TRPV2: variants seen among roughly 807,000 people sequenced by gnomAD.
The protein encoded by TRPV2 is transient receptor potential cation channel subfamily V member 2.
A neutral mutation model predicts 91.0 loss-of-function variants in TRPV2; 58 were observed. The ratio of observed to expected loss-of-function variants is 0.64; its 90% CI spans 0.52 to 0.79. The LOEUF is 0.79. Ranked by LOEUF, TRPV2 falls within the 30% of genes least tolerant of loss-of-function variation. TRPV2 has a pLI of 0.00. For synonymous variants in TRPV2, 417 were observed against 414.8 expected (o/e 1.01, Z -0.06); for missense variants, 807 against 969.6 (o/e 0.83, Z 2.23).
Position 16,431,991 on chromosome 17 carries a change from T to A in TRPV2, c.1680T>A (p.Ala560=). ...CCCTGGTGAGCCTGAGCCAGGAGGC[T>A]TGGCGCCCCGAAGCTCCTACAGGCC... ...AVALVSLSQE[A]WRPEAPTGPN... is the part of the protein sequence containing the mutation. Residue 560 remains alanine, a synonymous_variant, in exon 12 of 15, where the codon GCT becomes GCA. Coordinates refer to ENST00000338560, the MANE Select transcript of TRPV2 (RefSeq NM_016113.5). 6.2e-7 allele frequency: 1 copy of A among 1,605,892 alleles called. No individual in the cohort carries two copies. Among genetic ancestry groups the A allele is most frequent in the Non-Finnish European group, 8.5e-7 (1 of 1,174,352 alleles).
intron 13 of TRPV2, chr17:16,434,577 GC>G (rs1333562093): frequency 7.2e-5 from 22 of 304,884 alleles, no homozygotes; most frequent in Admixed American, 6.9e-4. Flanking sequence ...GCCATGATAG[GC>G]CCCAGAACCC....
chr17:16,420,064 G>A (rs1396022509), intron 2 of TRPV2, 51 bp from the exon 3 acceptor site: 1 of 1,588,460 alleles, frequency 6.3e-7, no homozygotes, highest in Admixed American at 1.7e-5. Flanking sequence ...GGGCTTTTGG[G>A]GGGGCCTGTG....
At chr17:16,429,005 CG>C (rs1568916665) in intron 10 of TRPV2, 23 bp downstream of exon 10, 11 of 1,613,032 alleles carry the variant, frequency 6.8e-6, no homozygotes, top group Non-Finnish European at 8.5e-6. Flanking sequence ...GGTGGCCCAC[CG>C]GGACTCTTTT....
rs780596004 is a variant in TRPV2, at chr17:16,436,833, G to A, written c.2239G>A (p.Glu747Lys). The A allele has an allele frequency of 1.6e-4, 264 of 1,614,018 alleles. 3 individuals are homozygous for A. In the South Asian group the frequency reaches 2.8e-3, roughly 17 times the overall value. The change falls in exon 15 of 15, where the codon GAG becomes AAG. Residue 747 changes from glutamate (E) to lysine (K), a missense_variant. Glu to Lys is a moderately conservative substitution (Grantham distance 56, BLOSUM62 1). Transcript: ENST00000338560. ...PVLASPPKED[E>K]DGASEENYVP... ...CCTGGCTTCCCCTCCCAAGGAGGAT[G>A]AGGATGGTGCCTCTGAGGAAAACTA... is the stretch of plus-strand genomic sequence containing the variant.
At chr17:16,416,812 G>T (rs553466346) in intron 1 of TRPV2, 1 of 152,200 alleles carries the variant, frequency 6.6e-6, no homozygotes, top group South Asian at 2.1e-4. Context: ...GCAAAATGAA[G>T]GGTTTGATAG....
intron 2 of TRPV2, among the ~76,000 whole-genome samples, chr17:16,418,301 G>A (rs1032350966): frequency 2.6e-5 from 4 of 152,190 alleles, no homozygotes; most frequent in Middle Eastern, 3.2e-3. Context: ...CTCAGGGGAC[G>A]TGAACTGTGG....
chr17:16,431,256 CATATATATATATAT>C (rs60066961), intron 10 of TRPV2, among the ~76,000 whole-genome samples: 812 of 67,808 alleles, frequency 0.012, 37 homozygotes, highest in African/African-American at 0.053. Context: ...TGATCTGAGA[CATATATATATATAT>C]ATATATATAT....
intron 10 of TRPV2, among the ~76,000 whole-genome samples, chr17:16,430,026 G>A (rs1048684633): frequency 6.6e-5 from 10 of 151,920 alleles, no homozygotes; most frequent in African/African-American, 1.9e-4. Context: ...CACCATGCCC[G>A]GCTAATTTTT....
Position 16,422,605 on chromosome 17 carries a change from C to T in TRPV2, c.341C>T (p.Ser114Phe), listed in dbSNP as rs1202002233. 1 of 1,613,128 alleles carries T rather than the reference C, an allele frequency of 6.2e-7. No homozygotes were observed. The highest frequency in any genetic ancestry group is 1.1e-5 in the South Asian group (1 of 91,032). Residue 114 changes from serine to phenylalanine, a missense_variant, in exon 4 of 15, where the codon TCC becomes TTC. Ser to Phe is a radical substitution (Grantham distance 155). Coordinates refer to ENST00000338560, the MANE Select transcript of TRPV2 (RefSeq NM_016113.5). Reference sequence around the variant, plus strand: ...CCCTCCCTTCTTCCCACAGAGGGCTCCACAGGTAAGACGTGCCTGATGAAG... The same window carrying T: ...CCCTCCCTTCTTCCCACAGAGGGCTTCACAGGTAAGACGTGCCTGATGAAG... Reference protein sequence around the residue: ...YLTDSEYTEGSTGKTCLMKAV... With the variant: ...YLTDSEYTEGFTGKTCLMKAV...
At chr17:16,428,648 A>G (rs2142996165) in intron 9 of TRPV2, 169 bp from the exon 10 acceptor site, 1 of 756,904 alleles carries the variant, frequency 1.3e-6, no homozygotes, top group East Asian at 2.6e-5. Flanking sequence ...ACACTCTATG[A>G]GTCAGGCATC....
At chr17:16,423,331 G>A in intron 4 of TRPV2, 138 bp from the exon 5 acceptor site, 1 of 968,646 alleles carries the variant, frequency 1.0e-6, no homozygotes, top group Non-Finnish European at 1.5e-6. Flanking sequence ...CAGGTTGGCT[G>A]GCCCCTGTTC....
intron 2 of TRPV2, chr17:16,419,247 T>TGA: frequency 2.2e-6 from 1 of 460,252 alleles, no homozygotes; most frequent in South Asian, 1.6e-5. Flanking sequence ...CAGGAGGGAA[T>TGA]GACTCATGCC....
At chr17:16,418,048 T>C (rs1439089408) in intron 2 of TRPV2, among the ~76,000 whole-genome samples, 180 bp downstream of exon 2, 1 of 152,218 alleles carries the variant, frequency 6.6e-6, no homozygotes, top group East Asian at 1.9e-4. Context: ...CCATCTGGCA[T>C]TGCTCTTTCC....
chr17:16,419,311 C>T (rs1347268647), intron 2 of TRPV2: 5 of 470,894 alleles, frequency 1.1e-5, no homozygotes, highest in Non-Finnish European at 2.2e-5. Context: ...GACAAGCTAC[C>T]AGATCCCTTC....
chr17:16,427,651 C>T, intron 8 of TRPV2, 104 bp downstream of exon 8: 1 of 1,089,738 alleles, frequency 9.2e-7, no homozygotes, highest in Non-Finnish European at 1.3e-6. Flanking sequence ...TACCCAGTCC[C>T]ACCCAGAGCA....
rs919625921 is a variant in TRPV2, at chr17:16,428,813, A to G, written c.1422-4A>G. The G allele has an allele frequency of 4.3e-6, 7 of 1,612,988 alleles. No individual in the cohort carries two copies. The highest frequency in any genetic ancestry group is 5.9e-6 in the Non-Finnish European group (7 of 1,179,952). ...AAGCCCACCTGGATTCTGCTCCCAC[A>G]CAGCCTGTTCCAGGCCCTGCTCACA... On this transcript the variant is annotated splice_polypyrimidine_tract_variant and splice_region_variant and intron_variant, in intron 9 of 14. Coordinates refer to ENST00000338560, the MANE Select transcript of TRPV2 (RefSeq NM_016113.5).
chr17:16,426,668 G>A lies in TRPV2; in HGVS notation c.1096-54G>A. On this transcript the variant is annotated intron_variant, in intron 6 of 14. Coordinates refer to ENST00000338560, the MANE Select transcript of TRPV2 (RefSeq NM_016113.5). The surrounding 1 kb of genome is among the most constrained non-coding windows in gnomAD (Gnocchi z 6.0). ...TTGCTTTGATCTTGACATGGAGTGG[G>A]CAGCCTATTTGCACTTGTTGAGTGT... 1 of 1,570,154 alleles carries A rather than the reference G, an allele frequency of 6.4e-7. No individual in the cohort carries two copies. The highest frequency in any genetic ancestry group is 8.6e-7 in the Non-Finnish European group (1 of 1,157,034).
rs2093416739 is a variant in TRPV2, at chr17:16,432,244, A to G, written c.1933A>G (p.Met645Val). 1 of 1,613,536 alleles carries G rather than the reference A, an allele frequency of 6.2e-7. No homozygotes were observed. The highest frequency in any genetic ancestry group is 1.3e-5 in the African/African-American group (1 of 74,914). ...ILLLNMLIAL[M>V]SETVNSVATD... ...GCTGCTCAACATGCTCATCGCCCTCATGAGCGAGACCGTCAACAGTGTCGC... is the reference window on the plus strand; with the variant it reads ...GCTGCTCAACATGCTCATCGCCCTCGTGAGCGAGACCGTCAACAGTGTCGC... The change falls in exon 12 of 15, where the codon ATG becomes GTG. Residue 645 changes from methionine to valine, a missense_variant. Met to Val is a conservative substitution (Grantham distance 21). Coordinates refer to ENST00000338560, the MANE Select transcript of TRPV2 (RefSeq NM_016113.5).
intron 2 of TRPV2, chr17:16,419,452 A>C (rs1452159250): frequency 2.1e-6 from 1 of 470,366 alleles, no homozygotes; most frequent in East Asian, 7.0e-5. Flanking sequence ...CAAGCCTAGA[A>C]TCTCTCTGGG....
Sources: allele counts gnomAD v4.1 joint callset (sites outside exome capture counted in the v4.1 genomes callset), GRCh38; gene constraint gnomAD v4.1.1; non-coding constraint Gnocchi (gnomAD v3.1); transcripts MANE v1.5; gene names NCBI Gene and HGNC (gene_info 2026-07-23, HGNC 2026-07-21).